Variants in BRD4 observed in about 807,000 individuals in gnomAD.
BRD4 encodes the protein bromodomain-containing protein 4.
In BRD4, 16 loss-of-function variants were observed where a neutral mutation model predicts 142.1. The ratio of observed to expected loss-of-function variants is 0.11; its 90% CI spans 0.08 to 0.17. BRD4 has a LOEUF of 0.17. Ranked by LOEUF, BRD4 falls within the 10% of genes least tolerant of loss-of-function variation. The pLI is 1.00. For missense variants in BRD4, 1,424 were observed against 1,810.9 expected (o/e 0.79, Z 3.88); for synonymous variants, 833 against 707.5 (o/e 1.18, Z -2.82).
intron 5 of BRD4, 92 bp downstream of exon 5, chr19:15,265,262 G>T: frequency 3.2e-6 from 4 of 1,257,272 alleles, no homozygotes; most frequent in South Asian, 1.9e-5. Context: ...ACCAGTGCCC[G>T]GGACCCAGGA....
intron 1 of BRD4, among the ~76,000 whole-genome samples, chr19:15,276,131 C>T (rs1168428730): frequency 6.6e-6 from 1 of 152,256 alleles, no homozygotes; most frequent in Non-Finnish European, 1.5e-5. Flanking sequence ...TGACCTACTG[C>T]TATGCCCACA....
intron 1 of BRD4, among the ~76,000 whole-genome samples, chr19:15,321,423 T>C (rs1399819616): frequency 6.6e-6 from 1 of 151,384 alleles, no homozygotes; most frequent in Non-Finnish European, 1.5e-5. Flanking sequence ...AGAGACCAGC[T>C]ACAGGCGCCA....
Position 15,244,533 on chromosome 19 carries a change from G to C in BRD4, c.2279C>G (p.Pro760Arg), listed in dbSNP as rs768748387. ...TGGAGGCGGTGGGGGCTGCTGGGGA[G>C]GCGGGGGCGGCTGCTGGGGCACAGG... Reference protein sequence around the residue: ...PAPVPQQPPPPPQQPPPPPPP... With the variant: ...PAPVPQQPPPRPQQPPPPPPP... Residue 760 changes from proline (P) to arginine (R), a missense_variant, in exon 13 of 20, where the codon CCT becomes CGT. Coordinates refer to ENST00000679869, the MANE Select transcript of BRD4 (RefSeq NM_001379291.1). 1.3e-6 allele frequency: 2 copies of C among 1,573,972 alleles called. No homozygotes were observed. The highest frequency in any genetic ancestry group is 1.8e-5 in the Admixed American group (1 of 56,678).
At chr19:15,266,639 A>AGTTCTCCTTG (rs1401445285) in intron 4 of BRD4, among the ~76,000 whole-genome samples, 1 of 152,228 alleles carries the variant, frequency 6.6e-6, no homozygotes, top group Middle Eastern at 3.2e-3. Flanking sequence ...ACGTGAGACT[A>AGTTCTCCTTG]GTTCTCCTTG....
rs1028546269 is a variant in BRD4 at position 15,289,630 on chromosome 19, G to T, written c.-34-16497C>A. On this transcript the variant is annotated intron_variant, in intron 1 of 19. Coordinates refer to ENST00000679869, the MANE Select transcript of BRD4 (RefSeq NM_001379291.1). ...CCCACTCAAAACCACTCTCAAGGTA[G>T]CTAGGTTAGTGCAAAAGTAATTGCG... 3.3e-5 allele frequency among the ~76,000 whole-genome samples: 5 copies of T among 151,304 alleles called. 1 individual carries two copies. The highest frequency in any genetic ancestry group is 1.2e-4 in the African/African-American group (5 of 41,230).
At chr19:15,243,530 T>G (rs769531671) in intron 13 of BRD4, 43 bp from the exon 14 acceptor site, 1 of 1,503,628 alleles carries the variant, frequency 6.7e-7, no homozygotes, top group East Asian at 2.4e-5. Context: ...TGAGCACCTG[T>G]GGCCCCAGCC....
chr19:15,248,337 C>T (rs2145534978), intron 11 of BRD4: 1 of 217,020 alleles, frequency 4.6e-6, no homozygotes, highest in Non-Finnish European at 9.3e-6. Context: ...ACACTGTTAA[C>T]ACCAGTCAGA....
intron 1 of BRD4, among the ~76,000 whole-genome samples, chr19:15,285,796 A>G (rs1244617822): frequency 6.6e-6 from 1 of 152,226 alleles, no homozygotes; most frequent in Non-Finnish European, 1.5e-5. Context: ...ATCAGGAACT[A>G]AAGGGAAAAA....
Position 15,327,233 on chromosome 19 carries a change from A to T in BRD4, c.-35+5057T>A, listed in dbSNP as rs534693212. The stretch of plus-strand genomic sequence containing the variant: ...TTCCACTCCCAGATATCTGTCCCAG[A>T]GAAACTAAAACCTGTACGCAAAAGG... On this transcript the variant is annotated intron_variant, in intron 1 of 19. Transcript: ENST00000679869. 4.6e-5 allele frequency among the ~76,000 whole-genome samples: 7 copies of T among 152,294 alleles called. No individual in the cohort carries two copies. In the South Asian group the frequency reaches 1.4e-3, roughly 32 times the overall value.
rs2047201543 is a variant in BRD4 at position 15,237,356 on chromosome 19, TTG to T, written c.*1019_*1020del. The T allele has an allele frequency of 9.0e-6, 2 of 222,578 alleles. No individual in the cohort carries two copies. Among genetic ancestry groups the T allele is most frequent in the Non-Finnish European group, 1.8e-5 (2 of 111,468 alleles). 13.8% of individuals were successfully genotyped at this position (222,578 alleles called of 1,614,324 possible). Reference sequence around the variant, plus strand: ...GAGTAAAATATAGGCAGGATTTTTTTTGTGTGTTTTGTCTTTTTGTGGATTTT... The same window carrying T: ...GAGTAAAATATAGGCAGGATTTTTTTTGTGTTTTGTCTTTTTGTGGATTTT... On this transcript the variant is annotated 3_prime_UTR_variant, in exon 20 of 20. Transcript: ENST00000679869.
At chr19:15,325,007 TG>T (rs1318154548) in intron 1 of BRD4, among the ~76,000 whole-genome samples, 1 of 152,220 alleles carries the variant, frequency 6.6e-6, no homozygotes, top group Admixed American at 6.5e-5. Flanking sequence ...TACCATGCCC[TG>T]GATCAGCTGG....
intron 1 of BRD4, among the ~76,000 whole-genome samples, chr19:15,274,737 T>A (rs2047627607): frequency 6.6e-6 from 1 of 152,266 alleles, no homozygotes; most frequent in East Asian, 1.9e-4. Context: ...TGGGCCATGC[T>A]TGTCTCTTTC....
chr19:15,290,991 T>C (rs549951158), intron 1 of BRD4, among the ~76,000 whole-genome samples: 7 of 152,286 alleles, frequency 4.6e-5, no homozygotes, highest in South Asian at 4.1e-4. Context: ...TGGTCCCAGA[T>C]GGAAAGAAGT....
At chr19:15,254,890 T>A (rs1448752954) in intron 10 of BRD4, among the ~76,000 whole-genome samples, 1 of 152,212 alleles carries the variant, frequency 6.6e-6, no homozygotes, top group African/African-American at 2.4e-5. Flanking sequence ...CACACCGAAC[T>A]GTCCCTGCTA....
chr19:15,269,116 G>A, intron 2 of BRD4, 74 bp from the exon 3 acceptor site: 1 of 1,565,512 alleles, frequency 6.4e-7, no homozygotes, highest in African/African-American at 1.4e-5. Context: ...GGCCAGGCTG[G>A]CCTGGGGACC....
At chr19:15,256,408 G>A (rs1599452230) in intron 8 of BRD4, 145 bp from the exon 9 acceptor site, 10 of 990,426 alleles carry the variant, frequency 1.0e-5, no homozygotes, top group African/African-American at 4.9e-5. Flanking sequence ...GGGAAGGGAA[G>A]GCCCCCAGCT....
At chr19:15,261,458 G>A (rs2047470496) in intron 7 of BRD4, among the ~76,000 whole-genome samples, 1 of 151,934 alleles carries the variant, frequency 6.6e-6, no homozygotes, top group Admixed American at 6.6e-5. Flanking sequence ...CTCCAGCCTG[G>A]GCGACAGAAA....
intron 2 of BRD4, 21 bp from the exon 3 acceptor site, chr19:15,269,063 G>C (rs1487104751): frequency 6.2e-7 from 1 of 1,613,260 alleles, no homozygotes; most frequent in Non-Finnish European, 8.5e-7. Flanking sequence ...GAGAGCAAAA[G>C]TCCAGTGTCA....
Position 15,238,511 on chromosome 19 carries a change from T to C in BRD4, c.4021-66A>G. 2.5e-6 allele frequency: 4 copies of C among 1,610,344 alleles called. No individual in the cohort carries two copies. The highest frequency in any genetic ancestry group is 1.7e-5 in the Admixed American group (1 of 59,796). On this transcript the variant is annotated intron_variant, in intron 19 of 19. Coordinates refer to ENST00000679869, the MANE Select transcript of BRD4 (RefSeq NM_001379291.1). This position sits in a 1 kb window ranked among gnomAD's most constrained non-coding sequence, Gnocchi z 7.2. ...GCCACCCTGCAGCTACAAGCCCTCA[T>C]ACCCGCTACCAGCAGTCAGCCCCGT...
Sources: gnomAD v4.1 joint callset for allele counts (sites outside exome capture counted in the v4.1 genomes callset) on GRCh38, gnomAD v4.1.1 for gene constraint, Gnocchi (gnomAD v3.1) non-coding constraint, MANE v1.5 for transcripts, NCBI Gene and HGNC (gene_info 2026-07-23, HGNC 2026-07-21) for gene names.